FNBP1L: variants seen among roughly 807,000 people sequenced by gnomAD.
FNBP1L encodes formin-binding protein 1-like.
In FNBP1L, 36 loss-of-function variants were observed where a neutral mutation model predicts 91.2. The observed-to-expected ratio is 0.39, with a 90% CI of 0.30 to 0.52. The LOEUF (loss-of-function observed/expected upper bound fraction) is 0.52. FNBP1L is among the 20% of genes least tolerant of loss of function. FNBP1L has a pLI of 0.66. For missense variants in FNBP1L, 571 were observed against 732.1 expected (o/e 0.78, Z 2.54); for synonymous variants, 242 against 237.0 (o/e 1.02, Z -0.19).
At chr1:93,511,885 G>GAACC (rs1203723156) in intron 2 of FNBP1L, among the ~76,000 whole-genome samples, 1 of 146,976 alleles carries the variant, frequency 6.8e-6, no homozygotes, top group East Asian at 2.0e-4. Context: ...AGAATGGCGT[G>GAACC]AACCCGGGAG....
intron 1 of FNBP1L, among the ~76,000 whole-genome samples, chr1:93,451,075 C>T (rs72721011): frequency 2.6e-5 from 4 of 152,286 alleles, no homozygotes; most frequent in African/African-American, 4.8e-5. Flanking sequence ...ATACTACAGT[C>T]ACAGTTTTGC....
In FNBP1L at chr1:93,536,331, GC is replaced by G. The variant is rs751793175; in HGVS notation, c.992del (p.Pro331HisfsTer6). On this transcript the variant is annotated frameshift_variant and splice_region_variant, in exon 10 of 17. Transcript: ENST00000271234. LOFTEE classifies it high-confidence loss of function. ...KLWLFGKKPK[P>X]QSPPLTPTSL... is the part of the protein sequence containing the mutation. Reference sequence around the variant, plus strand: ...GATTCCTTTCTTTATTTCCATATTAGCCACAGTCCCCACCCTTAACCCCTAC... The same window carrying G: ...GATTCCTTTCTTTATTTCCATATTAGCACAGTCCCCACCCTTAACCCCTAC... 23 of 1,459,494 alleles carry G rather than the reference GC, an allele frequency of 1.6e-5. No homozygotes were observed. The highest frequency in any genetic ancestry group is 2.0e-5 in the Non-Finnish European group (22 of 1,104,346). 90.4% of individuals were successfully genotyped at this position (1,459,494 alleles called of 1,614,324 possible).
intron 3 of FNBP1L, among the ~76,000 whole-genome samples, chr1:93,523,119 A>G (rs1481784937): frequency 6.6e-6 from 1 of 152,236 alleles, no homozygotes; most frequent in East Asian, 1.9e-4. Flanking sequence ...TTTTGACCCC[A>G]AATATCCCTT....
chr1:93,542,181 C>A (rs1039802062), intron 11 of FNBP1L, among the ~76,000 whole-genome samples: 2 of 151,740 alleles, frequency 1.3e-5, no homozygotes, highest in African/African-American at 4.8e-5. Flanking sequence ...GAGGCTAAGG[C>A]GGGAGGATTG....
chr1:93,454,751 A>G (rs1319551696), intron 1 of FNBP1L, among the ~76,000 whole-genome samples: 2 of 152,166 alleles, frequency 1.3e-5, no homozygotes, highest in Non-Finnish European at 2.9e-5. Flanking sequence ...ATCATACAAC[A>G]ATAAAAATAA....
At chr1:93,514,719 A>G (rs905502743) in intron 2 of FNBP1L, among the ~76,000 whole-genome samples, 1 of 151,802 alleles carries the variant, frequency 6.6e-6, no homozygotes, top group Admixed American at 6.6e-5. Flanking sequence ...AGCCATATGT[A>G]GAAAGCTGAA....
Position 93,510,932 on chromosome 1 carries a change from C to A in FNBP1L, c.141-11150C>A, listed in dbSNP as rs146625179. ...ATAGAATAAAAAGAAACGAACAAAG[C>A]CTCGAAGAAATATGGGACTATGTGA... On this transcript the variant is annotated intron_variant, in intron 2 of 16. Coordinates refer to ENST00000271234, the MANE Select transcript of FNBP1L (RefSeq NM_001164473.3). Among the ~76,000 whole-genome samples, 790 of 152,140 alleles carry A rather than the reference C, an allele frequency of 5.2e-3. 5 individuals are homozygous for A. Among genetic ancestry groups the A allele is most frequent in the African/African-American group, 0.018 (743 of 41,520 alleles).
chr1:93,516,761 A>T (rs924114889), intron 2 of FNBP1L, among the ~76,000 whole-genome samples: 1 of 152,130 alleles, frequency 6.6e-6, no homozygotes, highest in African/African-American at 2.4e-5. Context: ...ACTCTATGAA[A>T]TGCTTTTTGC....
intron 15 of FNBP1L, among the ~76,000 whole-genome samples, chr1:93,550,504 AT>A (rs1672372931): frequency 6.6e-6 from 1 of 152,056 alleles, no homozygotes; most frequent in African/African-American, 2.4e-5. Context: ...TCAAACCCGT[AT>A]TTTTCTCTGT....
intron 1 of FNBP1L, among the ~76,000 whole-genome samples, chr1:93,482,891 G>A (rs1168027509): frequency 3.3e-5 from 5 of 151,710 alleles, no homozygotes; most frequent in South Asian, 2.1e-4. Flanking sequence ...GGTCGCGGGC[G>A]CCTGTAGTCC....
At position 93,465,303 on chromosome 1, in the gene FNBP1L, A is replaced by G. The variant is rs142376722; in HGVS notation, c.24+16998A>G. Among the ~76,000 whole-genome samples, 591 of 152,076 alleles carry G rather than the reference A, an allele frequency of 3.9e-3. 3 individuals are homozygous for G. The highest frequency in any genetic ancestry group is 4.9e-3 in the Non-Finnish European group (330 of 68,000). On this transcript the variant is annotated intron_variant, in intron 1 of 16. Coordinates refer to ENST00000271234, the MANE Select transcript of FNBP1L (RefSeq NM_001164473.3). ...TGTGCCATGTTGGTTTGCTGCACCT[A>G]TCAACCCATCATATACATTATGTAT...
At position 93,457,745 on chromosome 1, in the gene FNBP1L, A is replaced by G. The variant is rs554064550; in HGVS notation, c.24+9440A>G. Reference sequence around the variant, plus strand: ...CCACCATTACTGGAAACAGGAATTTATTTTTTATTTTATTTTATTTATTTT... The same window carrying G: ...CCACCATTACTGGAAACAGGAATTTGTTTTTTATTTTATTTTATTTATTTT... On this transcript the variant is annotated intron_variant, in intron 1 of 16. Coordinates refer to ENST00000271234, the MANE Select transcript of FNBP1L (RefSeq NM_001164473.3). Among the ~76,000 whole-genome samples the G allele has an allele frequency of 2.6e-5, 4 of 151,086 alleles. No individual in the cohort carries two copies. In the East Asian group the frequency reaches 7.7e-4, roughly 29 times the overall value.
chr1:93,525,592 C>G (rs1671466940), intron 5 of FNBP1L, among the ~76,000 whole-genome samples: 1 of 152,138 alleles, frequency 6.6e-6, no homozygotes, highest in Admixed American at 6.6e-5. Context: ...CTCCTACATT[C>G]ATGAGTCATT....
At chr1:93,542,220 G>A (rs1672070220) in intron 11 of FNBP1L, among the ~76,000 whole-genome samples, 1 of 151,982 alleles carries the variant, frequency 6.6e-6, no homozygotes. Context: ...AGGCTATAGT[G>A]AGCCATGAGA....
At chr1:93,506,159 A>G (rs1452056407) in intron 2 of FNBP1L, among the ~76,000 whole-genome samples, 3 of 152,212 alleles carry the variant, frequency 2.0e-5, no homozygotes, top group Admixed American at 2.0e-4. Context: ...AAGAAGTGGA[A>G]TAGTCATACT....
intron 2 of FNBP1L, among the ~76,000 whole-genome samples, chr1:93,514,486 C>T (rs1670995320): frequency 6.6e-6 from 1 of 151,868 alleles, no homozygotes; most frequent in African/African-American, 2.4e-5. Flanking sequence ...AAGAACAAAG[C>T]TGGAGGCATC....
At position 93,532,996 on chromosome 1, in the gene FNBP1L, CAA is replaced by C; in HGVS notation, c.716_717del (p.Lys239SerfsTer20). ...CYRGFADSER[K>X]VIPIISKCLE... The stretch of plus-strand genomic sequence containing the variant: ...ACAGAGGATTTGCTGACTCAGAACG[CAA>C]AGTTATTCCCATCATTTCAAAATGT... On this transcript the variant is annotated frameshift_variant, in exon 8 of 17. Coordinates refer to ENST00000271234, the MANE Select transcript of FNBP1L (RefSeq NM_001164473.3). LOFTEE classifies it high-confidence loss of function. 1 of 1,613,242 alleles carries C rather than the reference CAA, an allele frequency of 6.2e-7. No homozygotes were observed.
intron 2 of FNBP1L, among the ~76,000 whole-genome samples, chr1:93,509,934 T>C (rs555922557): frequency 1.6e-4 from 25 of 152,332 alleles, no homozygotes; most frequent in African/African-American, 6.0e-4. Context: ...CAGGAGATTA[T>C]ATCCCGCACA....
intron 1 of FNBP1L, among the ~76,000 whole-genome samples, chr1:93,460,485 C>G (rs1401201049): frequency 6.6e-6 from 1 of 152,190 alleles, no homozygotes; most frequent in African/African-American, 2.4e-5. Flanking sequence ...AAATGTCCAT[C>G]AGTGAATGAA....
Sources: allele counts gnomAD v4.1 joint callset (sites outside exome capture counted in the v4.1 genomes callset), GRCh38; gene constraint gnomAD v4.1.1; transcripts MANE v1.5; gene names NCBI Gene and HGNC (gene_info 2026-07-23, HGNC 2026-07-21).